STXBP5L: variants seen among roughly 807,000 people sequenced by gnomAD.
The protein encoded by STXBP5L is syntaxin-binding protein 5-like.
A neutral mutation model predicts 144.5 loss-of-function variants in STXBP5L; 65 were observed. The observed-to-expected ratio is 0.45, with a 90% CI of 0.37 to 0.55. STXBP5L has a LOEUF of 0.55. STXBP5L is among the 20% of genes least tolerant of loss of function. The pLI is 0.00. For missense variants in STXBP5L, 1,298 were observed against 1,405.5 expected (o/e 0.92, Z 1.22); for synonymous variants, 505 against 469.6 (o/e 1.08, Z -0.97).
chr3:121,055,912 C>A (rs1360019284), intron 5 of STXBP5L, among the ~76,000 whole-genome samples: 4 of 146,274 alleles, frequency 2.7e-5, no homozygotes, highest in Admixed American at 2.1e-4. Context: ...AGGCTGATTT[C>A]AAATTCCTGG....
chr3:121,151,604 T>C (rs2045934583), intron 7 of STXBP5L, among the ~76,000 whole-genome samples: 1 of 152,156 alleles, frequency 6.6e-6, no homozygotes, highest in Admixed American at 6.5e-5. Flanking sequence ...TTATCCAGTG[T>C]ATAAGAATTT....
At chr3:120,997,032 A>T (rs1943404639) in intron 3 of STXBP5L, among the ~76,000 whole-genome samples, 1 of 152,122 alleles carries the variant, frequency 6.6e-6, no homozygotes, top group Admixed American at 6.6e-5. Flanking sequence ...CACTTATGTA[A>T]GTGAGAACAT....
chr3:120,953,325 CTTT>C (rs397875191), intron 2 of STXBP5L, among the ~76,000 whole-genome samples: 13,477 of 105,480 alleles, frequency 0.13, 672 homozygotes, highest in Non-Finnish European at 0.14. Context: ...TCACAATTGA[CTTT>C]TTTTTTTTTT....
At chr3:120,997,319 G>A (rs999744390) in intron 3 of STXBP5L, among the ~76,000 whole-genome samples, 2 of 152,150 alleles carry the variant, frequency 1.3e-5, no homozygotes, top group African/African-American at 4.8e-5. Context: ...TAGTGGGATT[G>A]TTTAGTTGAA....
intron 20 of STXBP5L, among the ~76,000 whole-genome samples, chr3:121,371,219 A>T (rs2046019188): frequency 6.6e-6 from 1 of 151,894 alleles, no homozygotes; most frequent in African/African-American, 2.4e-5. Context: ...TGGGGGTTTG[A>T]TTGTGGTATA....
chr3:121,001,838 C>G (rs1359119205), intron 3 of STXBP5L, among the ~76,000 whole-genome samples: 1 of 152,196 alleles, frequency 6.6e-6, no homozygotes, highest in Non-Finnish European at 1.5e-5. Flanking sequence ...GGTCTGGCCA[C>G]TCAGTGAGAG....
chr3:121,325,616 A>G (rs189657685), intron 20 of STXBP5L, among the ~76,000 whole-genome samples: 7 of 152,168 alleles, frequency 4.6e-5, no homozygotes, highest in Admixed American at 4.6e-4. Flanking sequence ...AACATCAGAA[A>G]AAATATAGTT....
chr3:121,295,587 T>G (rs914504986), intron 19 of STXBP5L, among the ~76,000 whole-genome samples: 16 of 152,082 alleles, frequency 1.1e-4, no homozygotes, highest in Non-Finnish European at 2.1e-4. Flanking sequence ...TACCTAGCAG[T>G]ATGTGTGAAT....
Position 121,217,223 on chromosome 3 carries a change from G to A in STXBP5L, c.957-5780G>A, listed in dbSNP as rs558670812. 1.2e-4 allele frequency among the ~76,000 whole-genome samples: 19 copies of A among 152,274 alleles called. No homozygotes were observed. The East Asian group carries it at 3.1e-3, about 25-fold the overall frequency. On this transcript the variant is annotated intron_variant, in intron 10 of 26. Transcript: ENST00000471454. ...TCTTGCTGGCATTCCAGGTGCCAGC[G>A]AGGTATGAAAAGAAACTCCTTCAGC... is the stretch of plus-strand genomic sequence containing the variant.
chr3:121,193,298 C>T (rs1034612536), intron 9 of STXBP5L, among the ~76,000 whole-genome samples: 4 of 142,332 alleles, frequency 2.8e-5, no homozygotes, highest in Admixed American at 2.1e-4. Flanking sequence ...GTTAGAATGG[C>T]GATCATTAAA....
At chr3:121,028,611 A>G (rs1946135364) in intron 3 of STXBP5L, among the ~76,000 whole-genome samples, 1 of 152,102 alleles carries the variant, frequency 6.6e-6, no homozygotes, top group African/African-American at 2.4e-5. Context: ...ATTTACAGTC[A>G]GTTTTCAAAA....
intron 18 of STXBP5L, among the ~76,000 whole-genome samples, chr3:121,279,374 ATAAT>A (rs983583684): frequency 2.6e-5 from 4 of 151,900 alleles, no homozygotes; most frequent in Non-Finnish European, 5.9e-5. Context: ...CTTTCAGAAG[ATAAT>A]TAATTTGGAG....
rs771997976 is a variant in STXBP5L at position 121,240,459 on chromosome 3, G to A, written c.1352G>A (p.Gly451Glu). 6.2e-7 allele frequency: 1 copy of A among 1,613,488 alleles called. No homozygotes were observed. The highest frequency in any genetic ancestry group is 2.2e-5 in the East Asian group (1 of 44,776). Residue 451 changes from glycine to glutamate, a missense_variant, in exon 14 of 27, where the codon GGA (glycine) becomes GAA (glutamate). Physicochemically the swap from Gly to Glu is moderately conservative, Grantham distance 98. Coordinates refer to ENST00000471454, the MANE Select transcript of STXBP5L (RefSeq NM_001308330.2). ...YSNKEWPISGGAWNLGAQTYP... is the reference protein window; with the variant it reads ...YSNKEWPISGEAWNLGAQTYP... ...GTTTAGGAGTGGCCAATCAGTGGAG[G>A]AGCTTGGAACCTTGGAGCACAAACA... is the stretch of plus-strand genomic sequence containing the variant.
intron 20 of STXBP5L, among the ~76,000 whole-genome samples, chr3:121,369,260 G>A (rs73855376): frequency 0.014 from 2,153 of 151,612 alleles, 53 homozygotes; most frequent in African/African-American, 0.049. Flanking sequence ...TTCCACAGTA[G>A]TTCTTTCAAA....
chr3:121,186,642 G>A (rs1444725503), intron 9 of STXBP5L, among the ~76,000 whole-genome samples: 4 of 152,284 alleles, frequency 2.6e-5, no homozygotes, highest in Admixed American at 1.3e-4. Context: ...CAGGGATGAA[G>A]CCCACTTGAT....
At chr3:121,192,635 T>C (rs1398751752) in intron 9 of STXBP5L, among the ~76,000 whole-genome samples, 1 of 152,016 alleles carries the variant, frequency 6.6e-6, no homozygotes, top group African/African-American at 2.4e-5. Context: ...GATAGACCAA[T>C]GGAACAGAAC....
intron 19 of STXBP5L, among the ~76,000 whole-genome samples, chr3:121,291,121 C>G (rs2051423471): frequency 6.6e-6 from 1 of 151,962 alleles, no homozygotes; most frequent in Non-Finnish European, 1.5e-5. Flanking sequence ...TCACTATTTG[C>G]CAATGATAAG....
intron 19 of STXBP5L, among the ~76,000 whole-genome samples, chr3:121,315,872 C>A (rs974570496): frequency 1.3e-5 from 2 of 151,646 alleles, no homozygotes; most frequent in African/African-American, 4.8e-5. Flanking sequence ...CTTGGTGGCA[C>A]ACACCTGTAA....
intron 2 of STXBP5L, among the ~76,000 whole-genome samples, chr3:120,913,092 A>G (rs1052705982): frequency 1.3e-5 from 2 of 151,806 alleles, no homozygotes; most frequent in African/African-American, 4.8e-5. Context: ...TTAAAAACCT[A>G]TTCTATGTTT....
Sources: allele counts gnomAD v4.1 joint callset (sites outside exome capture counted in the v4.1 genomes callset), GRCh38; gene constraint gnomAD v4.1.1; transcripts MANE v1.5; gene names NCBI Gene and HGNC (gene_info 2026-07-23, HGNC 2026-07-21).